Variants in ARMC6 observed in about 807,000 individuals in gnomAD.
ARMC6 encodes armadillo repeat-containing protein 6.
In ARMC6, 43 loss-of-function variants were observed where a neutral mutation model predicts 49.2. The observed-to-expected ratio is 0.87, with a 90% CI of 0.69 to 1.13. The LOEUF is 1.13. ARMC6 is among the 50% of genes most tolerant of loss of function. The pLI is 0.00. For synonymous variants in ARMC6, 262 were observed against 289.6 expected (o/e 0.90, Z 0.97); for missense variants, 627 against 682.0 (o/e 0.92, Z 0.90).
chr19:19,043,133 A>G (rs1445934293), intron 3 of ARMC6, among the ~76,000 whole-genome samples: 4 of 152,116 alleles, frequency 2.6e-5, no homozygotes, highest in Non-Finnish European at 4.4e-5. Flanking sequence ...CCTTGAAGAG[A>G]CTTTCCCTGA....
intron 1 of ARMC6, 38 bp downstream of exon 1, chr19:19,033,968 A>G (rs2059302879): frequency 5.8e-6 from 3 of 517,876 alleles, no homozygotes; most frequent in Non-Finnish European, 1.0e-5. Context: ...TCCCGCGCGG[A>G]GTGGGGAGTG....
intron 2 of ARMC6, among the ~76,000 whole-genome samples, chr19:19,040,269 C>G (rs1209276847): frequency 6.6e-6 from 1 of 152,042 alleles, no homozygotes; most frequent in Non-Finnish European, 1.5e-5. Flanking sequence ...TGTTGGGCTC[C>G]CATCAGTTTT....
intron 2 of ARMC6, among the ~76,000 whole-genome samples, chr19:19,040,943 C>T (rs973016969): frequency 1.3e-5 from 2 of 152,154 alleles, no homozygotes; most frequent in Non-Finnish European, 2.9e-5. Context: ...CGTTACCTGC[C>T]CCATGACCTG....
intron 4 of ARMC6, among the ~76,000 whole-genome samples, chr19:19,044,399 T>C (rs988895953): frequency 2.0e-5 from 3 of 152,170 alleles, no homozygotes; most frequent in Admixed American, 6.5e-5. Context: ...TCAGGACTCA[T>C]AGGACGAGAG....
At chr19:19,047,805 A>G (rs1363895128) in intron 4 of ARMC6, among the ~76,000 whole-genome samples, 1 of 152,168 alleles carries the variant, frequency 6.6e-6, no homozygotes, top group Non-Finnish European at 1.5e-5. Flanking sequence ...GCTTGGTTTT[A>G]TACGTTTTAG....
intron 6 of ARMC6, among the ~76,000 whole-genome samples, chr19:19,054,934 G>A (rs997025636): frequency 1.3e-5 from 2 of 152,214 alleles, no homozygotes; most frequent in South Asian, 2.1e-4. Context: ...AGCAGTCCCA[G>A]TAGCACCTCA....
Position 19,033,846 on chromosome 19 carries a change from C to T in ARMC6, c.-164C>T, listed in dbSNP as rs1488655170. On this transcript the variant is annotated 5_prime_UTR_variant, in exon 1 of 9. Coordinates refer to ENST00000535612, the MANE Select transcript of ARMC6 (RefSeq NM_001199196.2). ...CTAGGGGCGCCACAGCGCCTGCGCG[C>T]GTACGGCGGCCGGAAGGGGCTAGAG... 3 of 276,830 alleles carry T rather than the reference C, an allele frequency of 1.1e-5. No homozygotes were observed. Among genetic ancestry groups the T allele is most frequent in the African/African-American group, 4.5e-5 (2 of 44,654 alleles). 17.1% of individuals were successfully genotyped at this position (276,830 alleles called of 1,614,324 possible).
intron 4 of ARMC6, among the ~76,000 whole-genome samples, chr19:19,049,966 G>A (rs2059482673): frequency 6.6e-6 from 1 of 152,118 alleles, no homozygotes; most frequent in Non-Finnish European, 1.5e-5. Context: ...GGAGGTTGCA[G>A]TGAGCTGAGA....
At position 19,045,159 on chromosome 19, in the gene ARMC6, C is replaced by T. The variant is rs191383633; in HGVS notation, c.279+1085C>T. ...CCGAGTAACTGGGATTACAGACACACGCCACCACACCTGACTAATTTTTTT... is the reference window on the plus strand; with the variant it reads ...CCGAGTAACTGGGATTACAGACACATGCCACCACACCTGACTAATTTTTTT... On this transcript the variant is annotated intron_variant, in intron 4 of 8. Transcript: ENST00000535612. Among the ~76,000 whole-genome samples the T allele has an allele frequency of 5.1e-3, 769 of 152,200 alleles. 5 individuals are homozygous for T. Among genetic ancestry groups the T allele is most frequent in the African/African-American group, 0.017 (721 of 41,538 alleles).
intron 8 of ARMC6, 74 bp downstream of exon 8, chr19:19,056,002 C>A: frequency 6.6e-7 from 1 of 1,503,862 alleles, no homozygotes; most frequent in Non-Finnish European, 8.9e-7. Context: ...GGCATGGGAG[C>A]AGGTGCGGTG....
At position 19,055,457 on chromosome 19, in the gene ARMC6, CT is replaced by C. The variant is rs1299791064; in HGVS notation, c.1155+62del. The C allele has an allele frequency of 6.5e-7, 1 of 1,536,140 alleles. No homozygotes were observed. Reference sequence around the variant, plus strand: ...GGTGGCTGGAGTCCCAGTTCAGTTTCTGTATCTGCATGAAGCTCTATTCCCC... The same window carrying C: ...GGTGGCTGGAGTCCCAGTTCAGTTTCGTATCTGCATGAAGCTCTATTCCCC... On this transcript the variant is annotated intron_variant, in intron 7 of 8. Transcript: ENST00000535612. This position sits in a 1 kb window ranked among gnomAD's most constrained non-coding sequence, Gnocchi z 5.7.
Position 19,057,844 on chromosome 19 carries a change from T to A in ARMC6, c.*216T>A, listed in dbSNP as rs1011176741. 19 of 720,910 alleles carry A rather than the reference T, an allele frequency of 2.6e-5. No homozygotes were observed. The highest frequency in any genetic ancestry group is 6.0e-5 in the South Asian group (4 of 67,222). 44.7% of individuals were successfully genotyped at this position (720,910 alleles called of 1,614,324 possible). A position where few individuals can be genotyped will look rare whatever the true frequency, so the allele number is the denominator to read the frequency against. On this transcript the variant is annotated 3_prime_UTR_variant, in exon 9 of 9. Coordinates refer to ENST00000535612, the MANE Select transcript of ARMC6 (RefSeq NM_001199196.2). ...CCCCCATGTCCCAGCCACTTCTGGGTCCCAGCCAGCAGCACGGATGTTACT... is the reference window on the plus strand; with the variant it reads ...CCCCCATGTCCCAGCCACTTCTGGGACCCAGCCAGCAGCACGGATGTTACT...
chr19:19,052,346 G>A, intron 5 of ARMC6, 151 bp downstream of exon 5: 1 of 726,038 alleles, frequency 1.4e-6, no homozygotes, highest in Non-Finnish European at 2.2e-6. Context: ...GGCAGCCCTC[G>A]TGAAGAGTCT....
At chr19:19,039,769 AT>A (rs1392725418) in intron 2 of ARMC6, among the ~76,000 whole-genome samples, 1 of 152,148 alleles carries the variant, frequency 6.6e-6, no homozygotes, top group Non-Finnish European at 1.5e-5. Flanking sequence ...CGCACAGACC[AT>A]TTTATCCATT....
At chr19:19,047,948 C>T (rs1402813277) in intron 4 of ARMC6, among the ~76,000 whole-genome samples, 1 of 152,146 alleles carries the variant, frequency 6.6e-6, no homozygotes, top group East Asian at 1.9e-4. Context: ...CTGTGGCTCA[C>T]GTCTGTAATT....
chr19:19,049,610 A>G (rs1232989716), intron 4 of ARMC6, among the ~76,000 whole-genome samples: 1 of 152,208 alleles, frequency 6.6e-6, no homozygotes, highest in Non-Finnish European at 1.5e-5. Context: ...TGCAACCATC[A>G]TGACTATCCA....
intron 5 of ARMC6, among the ~76,000 whole-genome samples, chr19:19,053,456 C>A (rs2059515739): frequency 6.6e-6 from 1 of 152,108 alleles, no homozygotes; most frequent in Non-Finnish European, 1.5e-5. Context: ...CACTGCACTC[C>A]AGCCTTGGTG....
At chr19:19,039,883 A>G (rs997442121) in intron 2 of ARMC6, among the ~76,000 whole-genome samples, 4 of 152,094 alleles carry the variant, frequency 2.6e-5, no homozygotes, top group African/African-American at 7.2e-5. Context: ...CCTAGTAGGG[A>G]TTTTGCAGAT....
At chr19:19,043,952 T>A in intron 3 of ARMC6, 40 bp from the exon 4 acceptor site, 4 of 1,584,562 alleles carry the variant, frequency 2.5e-6, no homozygotes, top group Non-Finnish European at 3.5e-6. Flanking sequence ...TGTCACTTTC[T>A]TTCTGACCCC....
Sources: allele counts gnomAD v4.1 joint callset (sites outside exome capture counted in the v4.1 genomes callset), GRCh38; gene constraint gnomAD v4.1.1; non-coding constraint Gnocchi (gnomAD v3.1); transcripts MANE v1.5; gene names NCBI Gene and HGNC (gene_info 2026-07-23, HGNC 2026-07-21).